Variants in PLEKHA7 observed in about 807,000 individuals in gnomAD.
PLEKHA7 encodes pleckstrin homology domain-containing family A member 7.
A neutral mutation model predicts 170.0 loss-of-function variants in PLEKHA7; 104 were observed. The observed-to-expected ratio is 0.61, with a 90% confidence interval of 0.52 to 0.72. The LOEUF is 0.72. Among genes scored for constraint, PLEKHA7 ranks in the 30% least tolerant of loss-of-function variants. PLEKHA7 has a pLI of 0.00. For synonymous variants in PLEKHA7, 648 were observed against 660.8 expected, an observed-to-expected ratio of 0.98 and a Z score of 0.30; for missense variants, 1,615 against 1,671.7, an observed-to-expected ratio of 0.97 and a Z score of 0.59.
At chr11:16,970,780 A>T (rs553685071) in intron 3 of PLEKHA7, among the ~76,000 whole-genome samples, 17 of 152,358 alleles carry the variant, frequency 1.1e-4, no homozygotes, top group Admixed American at 3.9e-4. Context: ...CAAGAATCAA[A>T]ACTATATGTA....
intron 3 of PLEKHA7, among the ~76,000 whole-genome samples, chr11:16,936,027 C>T (rs1860263672): frequency 6.6e-6 from 1 of 152,134 alleles, no homozygotes; most frequent in African/African-American, 2.4e-5. Context: ...CGGTAGGTGG[C>T]AACACTGAGC....
At chr11:17,014,223 T>C (rs1325230022) in intron 1 of PLEKHA7, 22 bp from the exon 2 acceptor site, 5 of 1,497,008 alleles carry the variant, frequency 3.3e-6, no homozygotes, top group Non-Finnish European at 4.4e-6. Context: ...GAGGTGCACC[T>C]GTTAGCGCCG....
At chr11:16,948,123 A>C (rs1203551237) in intron 3 of PLEKHA7, among the ~76,000 whole-genome samples, 1 of 152,134 alleles carries the variant, frequency 6.6e-6, no homozygotes, top group Non-Finnish European at 1.5e-5. Context: ...AGTGTAAAAA[A>C]GGTGAGCTCA....
Position 16,789,713 on chromosome 11 carries a change from G to A in PLEKHA7, c.3156+62C>T. 1 of 1,459,146 alleles carries A rather than the reference G, an allele frequency of 6.9e-7. No homozygotes were observed. The highest frequency in any genetic ancestry group is 9.5e-7 in the Non-Finnish European group (1 of 1,049,632). 90.4% of individuals were successfully genotyped at this position (1,459,146 alleles called of 1,614,324 possible). A position where few individuals can be genotyped will look rare whatever the true frequency, so the allele number is the denominator to read the frequency against. ...AGGGATGGCCAGTTACTGTCCCCCT[G>A]GGAGACCCTCCCTCCCCATGTGAAG... is the stretch of plus-strand genomic sequence containing the variant. On this transcript the variant is annotated intron_variant, in intron 22 of 26. Transcript: ENST00000531066. The surrounding 1 kb of genome is among the most constrained non-coding windows in gnomAD (Gnocchi z 4.6).
chr11:16,967,676 A>G (rs759344095), intron 3 of PLEKHA7, among the ~76,000 whole-genome samples: 13 of 151,918 alleles, frequency 8.6e-5, no homozygotes, highest in Non-Finnish European at 1.9e-4. Context: ...CCCTCCAATC[A>G]GCTCCCCTTC....
intron 9 of PLEKHA7, among the ~76,000 whole-genome samples, chr11:16,841,052 C>G (rs556917904): frequency 1.1e-4 from 16 of 152,292 alleles, no homozygotes; most frequent in African/African-American, 3.4e-4. Context: ...ACTCTGATCT[C>G]TCTCTCTGAG....
chr11:16,980,616 T>C (rs1478145547), intron 3 of PLEKHA7, among the ~76,000 whole-genome samples: 1 of 152,054 alleles, frequency 6.6e-6, no homozygotes, highest in Non-Finnish European at 1.5e-5. Flanking sequence ...TTGGGGGGGA[T>C]AGGGGAATAA....
chr11:17,007,348 G>C (rs1865064685), intron 3 of PLEKHA7, among the ~76,000 whole-genome samples: 1 of 151,736 alleles, frequency 6.6e-6, no homozygotes, highest in African/African-American at 2.4e-5. Flanking sequence ...TTGAGACAGA[G>C]TTTTACTCTT....
At chr11:16,806,749 C>T (rs541228264) in intron 13 of PLEKHA7, among the ~76,000 whole-genome samples, 1 of 152,320 alleles carries the variant, frequency 6.6e-6, no homozygotes, top group Admixed American at 6.5e-5. Context: ...TCAGGGCCAC[C>T]GTGGCATCTG....
intron 3 of PLEKHA7, 39 bp downstream of exon 3, chr11:17,013,950 C>CG (rs1865495725): frequency 6.6e-7 from 1 of 1,510,388 alleles, no homozygotes; most frequent in African/African-American, 1.5e-5. Context: ...ACCCCCCCCC[C>CG]GCGGCACAGG....
At chr11:16,794,889 C>T in intron 18 of PLEKHA7, 21 bp downstream of exon 18, 2 of 1,558,072 alleles carry the variant, frequency 1.3e-6, no homozygotes, top group South Asian at 1.1e-5. Context: ...TCCCCCACAT[C>T]CAGGAAGATG....
chr11:16,970,162 T>C (rs948037472), intron 3 of PLEKHA7, among the ~76,000 whole-genome samples: 3 of 152,172 alleles, frequency 2.0e-5, no homozygotes, highest in African/African-American at 7.2e-5. Context: ...GAACTTTGAA[T>C]AATACAACAA....
chr11:16,780,083 T>C (rs546325937), intron 26 of PLEKHA7, among the ~76,000 whole-genome samples: 1 of 152,080 alleles, frequency 6.6e-6, no homozygotes, highest in East Asian at 1.9e-4. Flanking sequence ...ACCACAAGTA[T>C]ACGTAAAGGA....
chr11:16,999,749 C>G (rs1864554381), intron 3 of PLEKHA7, among the ~76,000 whole-genome samples: 1 of 152,218 alleles, frequency 6.6e-6, no homozygotes, highest in South Asian at 2.1e-4. Flanking sequence ...GCATTTCATT[C>G]TTAAATAACA....
At chr11:17,006,905 AT>A (rs1169181812) in intron 3 of PLEKHA7, among the ~76,000 whole-genome samples, 1 of 152,218 alleles carries the variant, frequency 6.6e-6, no homozygotes, top group Non-Finnish European at 1.5e-5. Flanking sequence ...CATTTGGTTC[AT>A]CCTTCACTCT....
At chr11:16,842,104 G>C (rs958921345) in intron 8 of PLEKHA7, 2 of 184,082 alleles carry the variant, frequency 1.1e-5, no homozygotes, top group Non-Finnish European at 2.3e-5. Context: ...TCCTGCTTTG[G>C]CTATAATCAG....
rs1849727618 is a variant in PLEKHA7, at chr11:16,816,047, C to T, written c.1953+131G>A. 5 of 756,806 alleles carry T rather than the reference C, an allele frequency of 6.6e-6. No individual in the cohort carries two copies. The South Asian group carries it at 8.5e-5, about 13-fold the overall frequency. 46.9% of individuals were successfully genotyped at this position (756,806 alleles called of 1,614,324 possible). On this transcript the variant is annotated intron_variant, in intron 12 of 26. Transcript: ENST00000531066. ...ACCCTAAGCAAGTCATTCAACTTCT[C>T]TGAGCCTCAGTTTCCTCATCTCTAA...
At chr11:16,969,624 C>T (rs1370104095) in intron 3 of PLEKHA7, among the ~76,000 whole-genome samples, 1 of 152,174 alleles carries the variant, frequency 6.6e-6, no homozygotes, top group Non-Finnish European at 1.5e-5. Flanking sequence ...ACGCTCTACC[C>T]CTAGGACAGG....
intron 17 of PLEKHA7, among the ~76,000 whole-genome samples, chr11:16,798,179 G>A (rs1035206411): frequency 6.6e-6 from 1 of 152,242 alleles, no homozygotes; most frequent in Non-Finnish European, 1.5e-5. Context: ...TGCACATGGG[G>A]CTGCAAGTGC....
Sources: gnomAD v4.1 joint callset for allele counts (sites outside exome capture counted in the v4.1 genomes callset) on GRCh38, gnomAD v4.1.1 for gene constraint, Gnocchi (gnomAD v3.1) non-coding constraint, MANE v1.5 for transcripts, NCBI Gene and HGNC (gene_info 2026-07-23, HGNC 2026-07-21) for gene names.